The following PRKCD variants were observed in gnomAD, a reference collection of about 807,000 sequenced individuals.
The protein encoded by PRKCD is protein kinase C delta type.
In PRKCD, 20 loss-of-function variants were observed where a neutral mutation model predicts 82.2. The ratio of observed to expected loss-of-function variants is 0.24; its 90% CI spans 0.17 to 0.35. The LOEUF (loss-of-function observed/expected upper bound fraction) is 0.35. Among genes scored for constraint, PRKCD ranks in the 10% least tolerant of loss-of-function variants. The pLI is 1.00. For synonymous variants in PRKCD, 317 were observed against 337.0 expected, an observed-to-expected ratio of 0.94 and a Z score of 0.65; for missense variants, 607 against 899.0, an observed-to-expected ratio of 0.68 and a Z score of 4.15.
chr3:53,175,937 G>A (rs1322773373), intron 2 of PRKCD, among the ~76,000 whole-genome samples: 1 of 152,184 alleles, frequency 6.6e-6, no homozygotes, highest in African/African-American at 2.4e-5. Flanking sequence ...GCACATGTGC[G>A]AGGCCAGGCC....
chr3:53,176,501 G>A (rs1703217689), intron 2 of PRKCD, among the ~76,000 whole-genome samples: 2 of 152,280 alleles, frequency 1.3e-5, no homozygotes, highest in South Asian at 2.1e-4. Context: ...ATGCACACGT[G>A]TGTGTCTGAG....
chr3:53,181,138 T>A, intron 4 of PRKCD, 69 bp from the exon 5 acceptor site: 1 of 1,542,106 alleles, frequency 6.5e-7, no homozygotes, highest in Non-Finnish European at 8.8e-7. Context: ...TGGGGGTGGG[T>A]TCTGAGTTTG....
At chr3:53,184,228 G>C (rs1031858959) in intron 9 of PRKCD, among the ~76,000 whole-genome samples, 3 of 151,924 alleles carry the variant, frequency 2.0e-5, no homozygotes, top group African/African-American at 7.3e-5. Context: ...CCAGCTGCTC[G>C]GGAGGCTGAG....
chr3:53,178,287 C>A, intron 2 of PRKCD, 117 bp from the exon 3 acceptor site: 1 of 604,410 alleles, frequency 1.7e-6, no homozygotes, highest in Admixed American at 2.9e-5. Context: ...GTGTGTGCAT[C>A]ATGTGGGCCA....
Position 53,188,851 on chromosome 3 carries a change from C to T in PRKCD, c.1547C>T (p.Ala516Val). 6.2e-7 allele frequency: 1 copy of T among 1,614,120 alleles called. No homozygotes were observed. Among genetic ancestry groups the T allele is most frequent in the Non-Finnish European group, 8.5e-7 (1 of 1,180,018 alleles). Residue 516 changes from alanine to valine, a missense_variant, in exon 16 of 19, where the codon GCC (alanine) becomes GTC (valine). Transcript: ENST00000330452. ...STFCGTPDYI[A>V]PEILQGLKYT... ...TTCTGCGGCACCCCTGACTATATCG[C>T]CCCTGAGGTGAGCCGATACCCTTCC...
Position 53,192,235 on chromosome 3 carries a change from AC to A in PRKCD, c.2004del (p.Lys669AsnfsTer67). The A allele has an allele frequency of 1.2e-6, 2 of 1,613,952 alleles. No individual in the cohort carries two copies. The highest frequency in any genetic ancestry group is 1.7e-6 in the Non-Finnish European group (2 of 1,179,998). ...GCATTCGCTGGCTTCTCCTTTGTGA[AC>A]CCCAAATTCGAGCACCTCCTGGAAG... ...QSAFAGFSFV[N>X]PKFEHLLED On this transcript the variant is annotated frameshift_variant, in exon 19 of 19. Transcript: ENST00000330452. LOFTEE classifies it high-confidence loss of function.
rs200890839 is a variant in PRKCD at position 53,186,642 on chromosome 3, G to A, written c.1299G>A (p.Gly433=). 915 of 1,613,942 alleles carry A rather than the reference G, an allele frequency of 5.7e-4. 6 individuals are homozygous for A. The South Asian group carries it at 8.7e-3, about 15-fold the overall frequency. The change falls in exon 14 of 19, where the codon GGG becomes GGA. Residue 433 remains glycine (G), a synonymous_variant. Coordinates refer to ENST00000330452, the MANE Select transcript of PRKCD (RefSeq NM_006254.4). ...LFFVMEFLNG[G]DLMYHIQDKG... ...TTGTGATGGAGTTCCTCAACGGGGGGGACCTGATGTACCACATCCAGGACA... is the reference window on the plus strand; with the variant it reads ...TTGTGATGGAGTTCCTCAACGGGGGAGACCTGATGTACCACATCCAGGACA...
At chr3:53,184,062 G>C (rs1553668400) in intron 9 of PRKCD, among the ~76,000 whole-genome samples, 1 of 152,188 alleles carries the variant, frequency 6.6e-6, no homozygotes, top group Non-Finnish European at 1.5e-5. Flanking sequence ...GCTGGGCGCG[G>C]TGGCTCACGT....
At chr3:53,181,074 G>C in intron 4 of PRKCD, 133 bp from the exon 5 acceptor site, 1 of 932,232 alleles carries the variant, frequency 1.1e-6, no homozygotes, top group South Asian at 1.6e-5. Context: ...ACACTGGGCA[G>C]ACAAGTGTCT....
Position 53,186,712 on chromosome 3 carries a change from G to A in PRKCD, c.1352+17G>A. 1 of 1,602,440 alleles carries A rather than the reference G, an allele frequency of 6.2e-7. No individual in the cohort carries two copies. The highest frequency in any genetic ancestry group is 8.5e-7 in the Non-Finnish European group (1 of 1,170,790). ...CCGTGCCACGTACGTAAGGGCCATG[G>A]TGGGGAAGGGCCCAGTGTGGAGGAA... is the stretch of plus-strand genomic sequence containing the variant. On this transcript the variant is annotated intron_variant, in intron 14 of 18. Coordinates refer to ENST00000330452, the MANE Select transcript of PRKCD (RefSeq NM_006254.4).
chr3:53,175,488 G>A lies in PRKCD; in HGVS notation c.-19-2916G>A, dbSNP rs925439754. On this transcript the variant is annotated intron_variant, in intron 2 of 18. Transcript: ENST00000330452. ...TTGCTCATCAGGAAATGGGGGGGCTGAGGCTCAGAAAGGTCAAGTGACCTG... is the reference window on the plus strand; with the variant it reads ...TTGCTCATCAGGAAATGGGGGGGCTAAGGCTCAGAAAGGTCAAGTGACCTG... Among the ~76,000 whole-genome samples, 6 of 152,138 alleles carry A rather than the reference G, an allele frequency of 3.9e-5. No homozygotes were observed. The South Asian group carries it at 8.3e-4, about 21-fold the overall frequency.
At chr3:53,177,245 C>G (rs1703243094) in intron 2 of PRKCD, among the ~76,000 whole-genome samples, 1 of 152,178 alleles carries the variant, frequency 6.6e-6, no homozygotes, top group South Asian at 2.1e-4. Flanking sequence ...TTACCTTGGC[C>G]TCCTGAAGTA....
Position 53,185,584 on chromosome 3 carries a change from C to G in PRKCD, c.889-20C>G, listed in dbSNP as rs369329996. ...ATAATGGTCTGACCATCTGGCCCCCCACCTCTGCTCCCTCCCCAGAGAGCC... is the reference window on the plus strand; with the variant it reads ...ATAATGGTCTGACCATCTGGCCCCCGACCTCTGCTCCCTCCCCAGAGAGCC... On this transcript the variant is annotated intron_variant, in intron 10 of 18. Coordinates refer to ENST00000330452, the MANE Select transcript of PRKCD (RefSeq NM_006254.4). 158 of 1,607,456 alleles carry G rather than the reference C, an allele frequency of 9.8e-5. No homozygotes were observed. In the African/African-American group the frequency reaches 1.3e-3, roughly 13 times the overall value.
chr3:53,168,548 A>G (rs1476826121), intron 2 of PRKCD, among the ~76,000 whole-genome samples: 1 of 152,032 alleles, frequency 6.6e-6, no homozygotes, highest in African/African-American at 2.4e-5. Context: ...TCCTTGCTCA[A>G]TATTTACTGG....
At chr3:53,181,927 T>G in intron 7 of PRKCD, 195 bp downstream of exon 7, 1 of 804,008 alleles carries the variant, frequency 1.2e-6, no homozygotes, top group Non-Finnish European at 2.1e-6. Context: ...GTTCTGCGCA[T>G]CTCTTCCCAG....
At chr3:53,188,187 CA>C (rs557772373) in intron 15 of PRKCD, among the ~76,000 whole-genome samples, 86 of 45,566 alleles carry the variant, frequency 1.9e-3, no homozygotes, top group South Asian at 5.1e-3. Context: ...GACTGTGTCT[CA>C]AAAAAAAAAA....
intron 16 of PRKCD, 73 bp downstream of exon 16, chr3:53,188,931 C>T: frequency 1.3e-6 from 2 of 1,596,406 alleles, no homozygotes; most frequent in South Asian, 1.1e-5. Context: ...GGGAAGGATT[C>T]CCAAGGGCAG....
rs55865871 is a variant in PRKCD at position 53,183,484 on chromosome 3, G to T, written c.690G>T (p.Pro230=). 2.5e-6 allele frequency: 4 copies of T among 1,614,148 alleles called. No homozygotes were observed. In the South Asian group the frequency reaches 4.4e-5, roughly 18 times the overall value. The part of the protein sequence containing the change: ...FQKERFNIDM[P]HRFKVHNYMS... ...AAGAACGCTTCAACATCGACATGCC[G>T]CACCGCTTCAAGGTTCACAACTACA... The change falls in exon 9 of 19, where the codon CCG becomes CCT. Residue 230 remains proline (P), a synonymous_variant. Transcript: ENST00000330452.
In PRKCD at chr3:53,179,835, T is replaced by C. The variant is rs1575534353; in HGVS notation, c.315+59T>C. ...GTGTGTGTGTCTGTGTGTGTGTGCA[T>C]GCGTGCATGTGTGTGCGTGCACACA... On this transcript the variant is annotated intron_variant, in intron 4 of 18. Coordinates refer to ENST00000330452, the MANE Select transcript of PRKCD (RefSeq NM_006254.4). 1.6e-5 allele frequency: 25 copies of C among 1,537,052 alleles called. No individual in the cohort carries two copies. In the East Asian group the frequency reaches 5.2e-4, roughly 32 times the overall value.
Sources: gnomAD v4.1 joint callset for allele counts (sites outside exome capture counted in the v4.1 genomes callset) on GRCh38, gnomAD v4.1.1 for gene constraint, MANE v1.5 for transcripts, NCBI Gene and HGNC (gene_info 2026-07-23, HGNC 2026-07-21) for gene names.